The following MTMR3 variants were observed in gnomAD, a reference collection of about 807,000 sequenced individuals.
MTMR3 encodes the protein phosphatidylinositol-3,5-bisphosphate 3-phosphatase MTMR3.
Under a neutral mutation model 132.4 loss-of-function variants are expected in MTMR3, and 32 were observed. The ratio of observed to expected loss-of-function variants is 0.24; its 90% CI spans 0.18 to 0.32. The LOEUF is 0.32. MTMR3 is among the 10% of genes least tolerant of loss of function. The probability of loss-of-function intolerance (pLI) is 1.00; values close to 1 mark genes in which losing one functional copy is unlikely to be tolerated. For synonymous variants in MTMR3, 556 were observed against 550.3 expected (o/e 1.01, Z -0.14); for missense variants, 1,216 against 1,489.6 (o/e 0.82, Z 3.02).
chr22:29,954,059 CTTTTT>C (rs59781649), intron 1 of MTMR3, among the ~76,000 whole-genome samples: 32 of 79,424 alleles, frequency 4.0e-4, no homozygotes, highest in East Asian at 3.0e-3. Flanking sequence ...TCAAATGAGT[CTTTTT>C]TTTTTTTTTT....
At chr22:29,986,697 CTTG>C (rs912598939) in intron 5 of MTMR3, 6 of 638,738 alleles carry the variant, frequency 9.4e-6, no homozygotes, top group Non-Finnish European at 1.2e-5. Context: ...GAGTTTTGCT[CTTG>C]TTGCCCAGGC....
At chr22:29,968,486 A>G (rs139587138) in intron 2 of MTMR3, among the ~76,000 whole-genome samples, 4 of 152,264 alleles carry the variant, frequency 2.6e-5, no homozygotes, top group African/African-American at 7.2e-5. Context: ...CCGTTCTTTT[A>G]ATAAGTTCAT....
chr22:29,897,258 G>A (rs1432819398), intron 1 of MTMR3, among the ~76,000 whole-genome samples: 1 of 151,734 alleles, frequency 6.6e-6, no homozygotes, highest in African/African-American at 2.4e-5. Flanking sequence ...TGTATTTTTA[G>A]TAGAGACAGG....
chr22:29,895,173 A>AC (rs1432724936), intron 1 of MTMR3, among the ~76,000 whole-genome samples: 2 of 152,098 alleles, frequency 1.3e-5, no homozygotes, highest in Admixed American at 6.6e-5. Flanking sequence ...GTGCCACTGC[A>AC]CTCCAGCCTG....
intron 1 of MTMR3, among the ~76,000 whole-genome samples, chr22:29,923,274 A>G (rs2065455418): frequency 6.7e-6 from 1 of 148,652 alleles, no homozygotes; most frequent in Non-Finnish European, 1.5e-5. Context: ...GGGTTTCACC[A>G]TGTTAGCCAG....
At position 29,901,257 on chromosome 22, in the gene MTMR3, A is replaced by AATAT. The variant is rs150965620; in HGVS notation, c.-138+17909_-138+17912dup. ...TAAGCACTAGGTAGTTTTCTTTAAGAATATATATATATATTTTAATATTAA... is the reference window on the plus strand; with the variant it reads ...TAAGCACTAGGTAGTTTTCTTTAAGAATATATATATATATATATTTTAATATTAA... On this transcript the variant is annotated intron_variant, in intron 1 of 19. Coordinates refer to ENST00000401950, the MANE Select transcript of MTMR3 (RefSeq NM_021090.4). Among the ~76,000 whole-genome samples, 18 of 150,306 alleles carry AATAT rather than the reference A, an allele frequency of 1.2e-4. 1 individual carries two copies. The highest frequency in any genetic ancestry group is 2.9e-4 in the African/African-American group (12 of 41,098).
intron 1 of MTMR3, among the ~76,000 whole-genome samples, chr22:29,885,436 G>T (rs1406432673): frequency 1.3e-5 from 2 of 152,150 alleles, no homozygotes; most frequent in Non-Finnish European, 2.9e-5. Context: ...AAACAGATTT[G>T]TTGCCAAAAG....
intron 9 of MTMR3, 31 bp from the exon 10 acceptor site, chr22:30,007,083 G>T: frequency 6.2e-7 from 1 of 1,609,570 alleles, no homozygotes; most frequent in Non-Finnish European, 8.5e-7. Context: ...ATCTGAATGG[G>T]TACAGTTGTT....
chr22:29,910,755 CTCA>C (rs2065196442), intron 1 of MTMR3, among the ~76,000 whole-genome samples: 1 of 120,436 alleles, frequency 8.3e-6, no homozygotes, highest in Non-Finnish European at 1.8e-5. Flanking sequence ...TTTTTTCTTT[CTCA>C]TATTTACCCC....
At chr22:29,924,539 C>A (rs949763208) in intron 1 of MTMR3, among the ~76,000 whole-genome samples, 1 of 152,058 alleles carries the variant, frequency 6.6e-6, no homozygotes, top group Admixed American at 6.5e-5. Context: ...TTTGGCTATT[C>A]GGGGTTCTTT....
At chr22:30,023,253 G>A in intron 19 of MTMR3, 1 of 609,314 alleles carries the variant, frequency 1.6e-6, no homozygotes, top group Non-Finnish European at 3.0e-6. Context: ...GGTGTTGACT[G>A]TCTGGTGGAT....
chr22:29,890,161 C>T (rs1482060803), intron 1 of MTMR3, among the ~76,000 whole-genome samples: 1 of 151,920 alleles, frequency 6.6e-6, no homozygotes, highest in Non-Finnish European at 1.5e-5. Flanking sequence ...CTGCCTCCGC[C>T]TCCCAAAGTG....
At chr22:29,929,520 T>C (rs2065597258) in intron 1 of MTMR3, among the ~76,000 whole-genome samples, 1 of 152,068 alleles carries the variant, frequency 6.6e-6, no homozygotes, top group Non-Finnish European at 1.5e-5. Flanking sequence ...TGGATTTTTA[T>C]TTTTTCTTAG....
At chr22:30,021,898 C>T (rs1363597725) in intron 17 of MTMR3, 131 bp from the exon 18 acceptor site, 3 of 670,848 alleles carry the variant, frequency 4.5e-6, no homozygotes, top group Non-Finnish European at 5.4e-6. Flanking sequence ...ATGGCTGATG[C>T]ATCTGCAGAT....
At chr22:29,965,337 T>C (rs1157859135) in intron 2 of MTMR3, among the ~76,000 whole-genome samples, 1 of 152,132 alleles carries the variant, frequency 6.6e-6, no homozygotes, top group Admixed American at 6.5e-5. Context: ...GGGTGAAGAC[T>C]ATGTTTAAAT....
intron 16 of MTMR3, chr22:30,018,957 A>G (rs984075008): frequency 6.6e-6 from 1 of 152,444 alleles, no homozygotes; most frequent in Non-Finnish European, 1.5e-5. Flanking sequence ...TAATCCCAGC[A>G]CTTTGGGAGG....
rs559461479 is a variant in MTMR3 at position 30,001,903 on chromosome 22, C to T, written c.558-977C>T. 679 of 152,160 alleles carry T rather than the reference C, an allele frequency of 4.5e-3. 6 individuals are homozygous for T. Among genetic ancestry groups the T allele is most frequent in the African/African-American group, 0.015 (641 of 41,492 alleles). The allele number at this position is 152,160 out of a possible 1,614,324, so 9.4% of individuals were successfully genotyped here. On this transcript the variant is annotated intron_variant, in intron 8 of 19. Coordinates refer to ENST00000401950, the MANE Select transcript of MTMR3 (RefSeq NM_021090.4). Reference sequence around the variant, plus strand: ...CTGGAAATTGAGGAGAGATTTAGTGCAAAATGATCAAAACCCCCAAATCCT... The same window carrying T: ...CTGGAAATTGAGGAGAGATTTAGTGTAAAATGATCAAAACCCCCAAATCCT...
At chr22:29,936,548 A>G (rs1053173896) in intron 1 of MTMR3, among the ~76,000 whole-genome samples, 3 of 152,058 alleles carry the variant, frequency 2.0e-5, no homozygotes, top group Admixed American at 6.5e-5. Context: ...TGGTTAGATT[A>G]GATTTGTTTC....
chr22:29,927,248 T>A (rs1452366153), intron 1 of MTMR3, among the ~76,000 whole-genome samples: 1 of 152,236 alleles, frequency 6.6e-6, no homozygotes, highest in Non-Finnish European at 1.5e-5. Flanking sequence ...ATTTTCTTGA[T>A]AATTTCAAAA....
Sources: allele counts gnomAD v4.1 joint callset (sites outside exome capture counted in the v4.1 genomes callset), GRCh38; gene constraint gnomAD v4.1.1; transcripts MANE v1.5; gene names NCBI Gene and HGNC (gene_info 2026-07-23, HGNC 2026-07-21).